TAB2: variants seen among roughly 807,000 people sequenced by gnomAD.
TAB2 encodes the protein TGF-beta activated kinase 1 (MAP3K7) binding protein 2.
TAB2 carries 3 observed loss-of-function variants against 65.0 expected under a neutral mutation model. That is an observed-to-expected ratio of 0.05 (90% CI 0.02 to 0.12). The LOEUF (loss-of-function observed/expected upper bound fraction) is 0.12, where lower values mean the gene tolerates loss of function less well. Among genes scored for constraint, TAB2 ranks in the 10% least tolerant of loss-of-function variants. The pLI is 1.00. For missense variants in TAB2, 623 were observed against 840.3 expected, an observed-to-expected ratio of 0.74 and a Z score of 3.20; for synonymous variants, 298 against 285.1, an observed-to-expected ratio of 1.05 and a Z score of -0.46.
intron 1 of TAB2, among the ~76,000 whole-genome samples, chr6:149,312,138 GTA>G (rs1172467369): frequency 1.3e-5 from 2 of 152,226 alleles, no homozygotes; most frequent in Admixed American, 1.3e-4. Flanking sequence ...CCCACTGTTA[GTA>G]TTCTCTGAAA....
At chr6:149,265,921 C>T (rs896517475) in intron 1 of TAB2, among the ~76,000 whole-genome samples, 2 of 152,196 alleles carry the variant, frequency 1.3e-5, no homozygotes, top group African/African-American at 4.8e-5. Context: ...TCCCTGCTCT[C>T]GGCTTTTGTC....
intron 2 of TAB2, among the ~76,000 whole-genome samples, chr6:149,376,016 A>G (rs548725219): frequency 9.9e-5 from 15 of 152,134 alleles, no homozygotes; most frequent in Admixed American, 1.3e-4. Context: ...TCTCATATCA[A>G]ACTGCCTGTG....
rs959528705 is a variant in TAB2, at chr6:149,340,202, A to T, written c.-90+22187A>T. Among the ~76,000 whole-genome samples, 38 of 152,338 alleles carry T rather than the reference A, an allele frequency of 2.5e-4. 1 individual carries two copies. Among genetic ancestry groups the T allele is most frequent in the Middle Eastern group, 6.8e-3 (2 of 294 alleles). ...CTTAGATTATGCTGTGAGTGTAAATAAGATGCCAGAGGAACAAGTGAGAGA... is the reference window on the plus strand; with the variant it reads ...CTTAGATTATGCTGTGAGTGTAAATTAGATGCCAGAGGAACAAGTGAGAGA... On this transcript the variant is annotated intron_variant, in intron 1 of 6. Coordinates refer to ENST00000637181, the MANE Select transcript of TAB2 (RefSeq NM_001292034.3).
In TAB2 at chr6:149,242,992, T is replaced by G. The variant is rs139071013; in HGVS notation, c.-121+24216T>G. ...ATTCCCAGAAATTAGGATCTGCATC[T>G]GTAATTCCATCAGAATCTCCACATA... On this transcript the variant is annotated intron_variant, in intron 1 of 1. Transcript: ENST00000606202. Among the ~76,000 whole-genome samples, 55 of 152,358 alleles carry G rather than the reference T, an allele frequency of 3.6e-4. 1 individual carries two copies. In the East Asian group the frequency reaches 0.01, roughly 28 times the overall value.
intron 1 of TAB2, among the ~76,000 whole-genome samples, chr6:149,245,732 A>C (rs2114647555): frequency 6.6e-6 from 1 of 152,286 alleles, no homozygotes; most frequent in Admixed American, 6.5e-5. Flanking sequence ...TCACTTAATA[A>C]TACCTCATGG....
chr6:149,300,412 A>G (rs529305157), intron 1 of TAB2, among the ~76,000 whole-genome samples: 14 of 152,332 alleles, frequency 9.2e-5, no homozygotes, highest in African/African-American at 3.4e-4. Flanking sequence ...ACCTTGAGCA[A>G]GTCACATCAG....
chr6:149,227,429 A>G (rs577974973), intron 1 of TAB2, among the ~76,000 whole-genome samples: 1 of 152,266 alleles, frequency 6.6e-6, no homozygotes, highest in African/African-American at 2.4e-5. Flanking sequence ...CAGATACTCA[A>G]AACACTTGAT....
At chr6:149,278,247 C>G (rs1043104689) in intron 1 of TAB2, among the ~76,000 whole-genome samples, 1 of 152,166 alleles carries the variant, frequency 6.6e-6, no homozygotes, top group Non-Finnish European at 1.5e-5. Context: ...ATGAACTCTT[C>G]TTCCATGAAG....
intron 1 of TAB2, among the ~76,000 whole-genome samples, chr6:149,339,520 ACT>A (rs1554260117): frequency 6.6e-6 from 1 of 152,124 alleles, no homozygotes; most frequent in Non-Finnish European, 1.5e-5. Context: ...ATATAAGTAA[ACT>A]CTCTTAGAAA....
chr6:149,325,163 A>G (rs1466216244), intron 1 of TAB2, among the ~76,000 whole-genome samples: 1 of 152,198 alleles, frequency 6.6e-6, no homozygotes. Flanking sequence ...AGATGAGCCC[A>G]AGTTCAAACC....
chr6:149,352,331 C>T (rs1187364239), intron 1 of TAB2, among the ~76,000 whole-genome samples: 4 of 152,118 alleles, frequency 2.6e-5, no homozygotes, highest in African/African-American at 9.7e-5. Flanking sequence ...TTTTCCTACA[C>T]TCTTAAATAT....
intron 1 of TAB2, among the ~76,000 whole-genome samples, chr6:149,272,275 G>A (rs1177287673): frequency 2.0e-5 from 3 of 152,178 alleles, no homozygotes; most frequent in Non-Finnish European, 4.4e-5. Context: ...TTTCCCAGAT[G>A]ATTTCATTTC....
chr6:149,397,240 G>A (rs1028699274), intron 3 of TAB2, among the ~76,000 whole-genome samples: 10 of 152,160 alleles, frequency 6.6e-5, no homozygotes, highest in African/African-American at 2.2e-4. Flanking sequence ...TCCAGAGTTC[G>A]AGACCAGCCT....
intron 6 of TAB2, among the ~76,000 whole-genome samples, chr6:149,403,453 C>T (rs1474251775): frequency 6.7e-6 from 1 of 149,142 alleles, no homozygotes; most frequent in African/African-American, 2.5e-5. Context: ...TGGAGAAAAC[C>T]GAAAGCTTTC....
intron 3 of TAB2, among the ~76,000 whole-genome samples, chr6:149,390,814 C>T (rs868472148): frequency 2.6e-5 from 4 of 152,004 alleles, no homozygotes; most frequent in Non-Finnish European, 4.4e-5. Context: ...TTTTTCTTTA[C>T]CTGTAATTCC....
In TAB2 at chr6:149,389,119, C is replaced by T. The variant is rs540949930; in HGVS notation, c.1604-8485C>T. Among the ~76,000 whole-genome samples the T allele has an allele frequency of 4.6e-5, 7 of 151,950 alleles. 1 individual carries two copies. Among genetic ancestry groups the T allele is most frequent in the Admixed American group, 4.6e-4 (7 of 15,262 alleles). ...TACAGGCATGCACCACCACGCCTGG[C>T]TAATTTTTGTATTTTTAGTAGAGAT... On this transcript the variant is annotated intron_variant, in intron 3 of 6. Transcript: ENST00000637181.
chr6:149,236,360 T>A (rs1777494237), intron 1 of TAB2, among the ~76,000 whole-genome samples: 3 of 152,234 alleles, frequency 2.0e-5, no homozygotes, highest in Admixed American at 6.5e-5. Context: ...TATCTCTAAA[T>A]AAGTAGTTTT....
At chr6:149,287,953 C>T (rs9377207) in intron 1 of TAB2, among the ~76,000 whole-genome samples, 8 of 152,124 alleles carry the variant, frequency 5.3e-5, no homozygotes, top group East Asian at 1.9e-4. Context: ...CTCCTAAAAA[C>T]GTGAAATGTT....
At chr6:149,363,791 C>T (rs552659902) in intron 1 of TAB2, among the ~76,000 whole-genome samples, 44 of 152,214 alleles carry the variant, frequency 2.9e-4, no homozygotes, top group Admixed American at 2.2e-3. Context: ...GTCCTTTGAG[C>T]GCTAGACCCA....
Sources: gnomAD v4.1 joint callset for allele counts (sites outside exome capture counted in the v4.1 genomes callset) on GRCh38, gnomAD v4.1.1 for gene constraint, MANE v1.5 for transcripts, NCBI Gene and HGNC (gene_info 2026-07-23, HGNC 2026-07-21) for gene names.